Variants in PIEZO2 observed in about 807,000 individuals in gnomAD.
The protein encoded by PIEZO2 is piezo type mechanosensitive ion channel component 2.
PIEZO2 carries 172 observed loss-of-function variants against 337.3 expected under a neutral mutation model. The ratio of observed to expected loss-of-function variants is 0.51; its 90% CI spans 0.45 to 0.58. The LOEUF is 0.58. Ranked by LOEUF, PIEZO2 falls within the 20% of genes least tolerant of loss-of-function variation. PIEZO2 has a pLI of 0.00. For synonymous variants in PIEZO2, 1,251 were observed against 1,228.5 expected, an observed-to-expected ratio of 1.02 and a Z score of -0.38; for missense variants, 3,028 against 3,391.3, an observed-to-expected ratio of 0.89 and a Z score of 2.66.
chr18:11,146,249 A>G lies in PIEZO2; in HGVS notation c.64+2276T>C, dbSNP rs768638391. Among the ~76,000 whole-genome samples, 1 of 152,166 alleles carries G rather than the reference A, an allele frequency of 6.6e-6. No individual in the cohort carries two copies. The highest frequency in any genetic ancestry group is 1.5e-5 in the Non-Finnish European group (1 of 68,040). ...AGTTTGCATGTTGGCCAAGGTTATT[A>G]TCTTGTCGCCCCTGGAAGCCGAGCT... On this transcript the variant is annotated intron_variant, in intron 1 of 55. Coordinates refer to ENST00000674853, the MANE Select transcript of PIEZO2 (RefSeq NM_001378183.1). The surrounding 1 kb of genome is among the most constrained non-coding windows in gnomAD (Gnocchi z 6.1).
chr18:11,042,389 C>T (rs1318696729), intron 2 of PIEZO2, among the ~76,000 whole-genome samples: 1 of 152,246 alleles, frequency 6.6e-6, no homozygotes, highest in East Asian at 1.9e-4. Context: ...TTCATACACA[C>T]AGTCCTCTCT....
At chr18:10,997,244 CAA>C (rs574657633) in intron 2 of PIEZO2, among the ~76,000 whole-genome samples, 72 of 110,768 alleles carry the variant, frequency 6.5e-4, no homozygotes, top group Non-Finnish European at 6.8e-4. Flanking sequence ...TGACTGCCTG[CAA>C]AAAAAAAAAA....
In PIEZO2 at chr18:10,705,669, T is replaced by A; in HGVS notation, c.5666A>T (p.Glu1889Val). 1 of 1,536,822 alleles carries A rather than the reference T, an allele frequency of 6.5e-7. No homozygotes were observed. Among genetic ancestry groups the A allele is most frequent in the South Asian group, 1.2e-5 (1 of 84,024 alleles). Residue 1889 changes from glutamate to valine, a missense_variant, in exon 41 of 56, where the codon GAG becomes GTG. By Grantham distance (121) the Glu-to-Val change is moderately radical. Coordinates refer to ENST00000674853, the MANE Select transcript of PIEZO2 (RefSeq NM_001378183.1). ...ETIEEVEAEQ[E>V]EEAGSTAPEP... ...AGGCGCCGTGCTCCCTGCCTCCTCC[T>A]CCTGCTCAGCCTCCACCTCCTCGAT...
intron 2 of PIEZO2, among the ~76,000 whole-genome samples, chr18:11,058,929 A>G: frequency 6.6e-6 from 1 of 152,234 alleles, no homozygotes; most frequent in East Asian, 1.9e-4. Flanking sequence ...CTTCTCGAGA[A>G]GAGCAACTCC....
chr18:10,933,091 A>G (rs776676214), intron 3 of PIEZO2, among the ~76,000 whole-genome samples: 3 of 152,314 alleles, frequency 2.0e-5, no homozygotes, highest in Non-Finnish European at 4.4e-5. Context: ...ATTAGCCCAT[A>G]TAAGAACTCC....
chr18:10,863,335 G>C lies in PIEZO2; in HGVS notation c.493-6124C>G, dbSNP rs1330398914. On this transcript the variant is annotated intron_variant, in intron 5 of 55. Coordinates refer to ENST00000674853, the MANE Select transcript of PIEZO2 (RefSeq NM_001378183.1). The surrounding 1 kb of genome is among the most constrained non-coding windows in gnomAD (Gnocchi z 4.3). ...TGTGTGTACCTTATGCAAGCCTAAC[G>C]TGATCGCATTTAATGGATAAAGCAA... 6.6e-6 allele frequency among the ~76,000 whole-genome samples: 1 copy of C among 152,186 alleles called. No individual in the cohort carries two copies. Among genetic ancestry groups the C allele is most frequent in the East Asian group, 1.9e-4 (1 of 5,196 alleles).
Position 10,736,785 on chromosome 18 carries a change from C to G in PIEZO2, c.4709-75G>C, listed in dbSNP as rs2037014269. ...TTGGGGGCTTATTAATGAAATGTCCCCTAAAGATACACAAATTGTCCATAA... is the reference window on the plus strand; with the variant it reads ...TTGGGGGCTTATTAATGAAATGTCCGCTAAAGATACACAAATTGTCCATAA... On this transcript the variant is annotated intron_variant, in intron 33 of 55. Transcript: ENST00000674853. The G allele has an allele frequency of 2.1e-6, 3 of 1,435,578 alleles. No homozygotes were observed. In the South Asian group the frequency reaches 3.9e-5, roughly 19 times the overall value. 88.9% of individuals were successfully genotyped at this position (1,435,578 alleles called of 1,614,324 possible).
Position 10,670,619 on chromosome 18 carries a change from A to G in PIEZO2, c.*908T>C, listed in dbSNP as rs1051263749. On this transcript the variant is annotated 3_prime_UTR_variant, in exon 56 of 56. Transcript: ENST00000674853. The stretch of plus-strand genomic sequence containing the variant: ...CATACTGGAAAAACCATTGCCTTAA[A>G]TCATGGAAATGGGAAAAAGCACGTT... 6.6e-6 allele frequency: 1 copy of G among 152,276 alleles called. No individual in the cohort carries two copies. Among genetic ancestry groups the G allele is most frequent in the South Asian group, 2.1e-4 (1 of 4,832 alleles). The allele number at this position is 152,276 out of a possible 1,614,324, so 9.4% of individuals were successfully genotyped here.
intron 3 of PIEZO2, among the ~76,000 whole-genome samples, chr18:10,972,659 A>C (rs1221296584): frequency 6.6e-6 from 1 of 152,212 alleles, no homozygotes; most frequent in Non-Finnish European, 1.5e-5. Flanking sequence ...CAAGAAACTG[A>C]AAAAGACTAT....
At chr18:10,890,448 G>T (rs2042722756) in intron 4 of PIEZO2, 1 of 152,202 alleles carries the variant, frequency 6.6e-6, no homozygotes, top group African/African-American at 2.4e-5. Flanking sequence ...CCAATACTGG[G>T]TTTATAAAGG....
chr18:10,995,527 A>G (rs2035288955), intron 2 of PIEZO2, among the ~76,000 whole-genome samples: 2 of 152,226 alleles, frequency 1.3e-5, no homozygotes, highest in South Asian at 2.1e-4. Context: ...AGTTGATTAC[A>G]TTGTAGAGTG....
rs1168439576 is a variant in PIEZO2, at chr18:10,871,369, C to G, written c.376G>C (p.Asp126His). 6.5e-7 allele frequency: 1 copy of G among 1,537,264 alleles called. No individual in the cohort carries two copies. Among genetic ancestry groups the G allele is most frequent in the South Asian group, 1.2e-5 (1 of 84,056 alleles). ...AGNGIRVFVP[D>H]IGMFIASLTI... ...AGACTAGCAATGAACATCCCGATGTCAGGTACAAACACTCTGATCCCATTG... is the reference window on the plus strand; with the variant it reads ...AGACTAGCAATGAACATCCCGATGTGAGGTACAAACACTCTGATCCCATTG... The change falls in exon 5 of 56, where the codon GAC becomes CAC. Residue 126 changes from aspartate to histidine, a missense_variant. Physicochemically the swap from Asp to His is moderately conservative, Grantham distance 81. Coordinates refer to ENST00000674853, the MANE Select transcript of PIEZO2 (RefSeq NM_001378183.1).
intron 1 of PIEZO2, among the ~76,000 whole-genome samples, chr18:11,118,312 T>C (rs889654444): frequency 6.6e-6 from 1 of 152,170 alleles, no homozygotes; most frequent in African/African-American, 2.4e-5. Flanking sequence ...GGGGTACAGG[T>C]GTTGTCCCAG....
Position 11,003,637 on chromosome 18 carries a change from C to T in PIEZO2, c.161-23977G>A, listed in dbSNP as rs2035621644. Among the ~76,000 whole-genome samples the T allele has an allele frequency of 6.6e-6, 1 of 152,192 alleles. No homozygotes were observed. The highest frequency in any genetic ancestry group is 1.9e-4 in the East Asian group (1 of 5,186). ...GGGCACCAGGCGGGCATCAGGCGGG[C>T]ACCAGCCCTAGCCAGTACACCGTCC... On this transcript the variant is annotated intron_variant, in intron 2 of 55. Transcript: ENST00000674853. This position sits in a 1 kb window ranked among gnomAD's most constrained non-coding sequence, Gnocchi z 4.6.
intron 2 of PIEZO2, among the ~76,000 whole-genome samples, chr18:10,995,778 G>T (rs1036717345): frequency 1.3e-5 from 2 of 152,162 alleles, no homozygotes. Context: ...GGGCTGTGGA[G>T]TTGCTGCCAT....
chr18:11,059,674 T>C (rs1371213902), intron 2 of PIEZO2, among the ~76,000 whole-genome samples: 3 of 152,106 alleles, frequency 2.0e-5, no homozygotes, highest in Non-Finnish European at 4.4e-5. Flanking sequence ...CATTACATAA[T>C]GGTAAAGGGA....
chr18:10,830,361 A>G lies in PIEZO2; in HGVS notation c.918-23087T>C, dbSNP rs1294559935. On this transcript the variant is annotated intron_variant, in intron 7 of 55. Coordinates refer to ENST00000674853, the MANE Select transcript of PIEZO2 (RefSeq NM_001378183.1). The surrounding 1 kb of genome is among the most constrained non-coding windows in gnomAD (Gnocchi z 4.7). ...CAAGAAAACATTGGGAAAAATCTCC[A>G]GGACATTGGTCTGGGCAAAGATTTC... 6.6e-6 allele frequency among the ~76,000 whole-genome samples: 1 copy of G among 152,212 alleles called. No individual in the cohort carries two copies. The highest frequency in any genetic ancestry group is 1.5e-5 in the Non-Finnish European group (1 of 68,018).
rs1160038319 is a variant in PIEZO2, at chr18:10,821,229, A to G, written c.918-13955T>C. On this transcript the variant is annotated intron_variant, in intron 7 of 55. Coordinates refer to ENST00000674853, the MANE Select transcript of PIEZO2 (RefSeq NM_001378183.1). The surrounding 1 kb of genome is among the most constrained non-coding windows in gnomAD (Gnocchi z 4.2). ...TAATGTACAGTAAATTCCTCCAGGTAGAAAGCTGGAAAAATCCTTTAGCCT... is the reference window on the plus strand; with the variant it reads ...TAATGTACAGTAAATTCCTCCAGGTGGAAAGCTGGAAAAATCCTTTAGCCT... Among the ~76,000 whole-genome samples, 1 of 152,188 alleles carries G rather than the reference A, an allele frequency of 6.6e-6. No homozygotes were observed. The highest frequency in any genetic ancestry group is 1.5e-5 in the Non-Finnish European group (1 of 68,026).
intron 3 of PIEZO2, among the ~76,000 whole-genome samples, chr18:10,950,581 GC>G (rs1456098655): frequency 2.6e-5 from 4 of 152,134 alleles, no homozygotes; most frequent in Admixed American, 6.6e-5. Context: ...TGTATATGTG[GC>G]TTTATCTATT....
Sources: allele counts gnomAD v4.1 joint callset (sites outside exome capture counted in the v4.1 genomes callset), GRCh38; gene constraint gnomAD v4.1.1; non-coding constraint Gnocchi (gnomAD v3.1); transcripts MANE v1.5; gene names NCBI Gene and HGNC (gene_info 2026-07-23, HGNC 2026-07-21).